Variants in TMEM244 observed in about 807,000 individuals in gnomAD.
TMEM244 encodes transmembrane protein 244.
TMEM244 carries 13 observed loss-of-function variants against 15.8 expected under a neutral mutation model. The observed-to-expected ratio is 0.82, with a 90% CI of 0.53 to 1.30. The LOEUF (loss-of-function observed/expected upper bound fraction) is 1.30, where lower values mean the gene tolerates loss of function less well. TMEM244 is among the 50% of genes most tolerant of loss of function. The pLI is 0.00. For synonymous variants in TMEM244, 45 were observed against 48.7 expected (o/e 0.92, Z 0.32); for missense variants, 161 against 144.9 (o/e 1.11, Z -0.57).
rs543523559 is a variant in TMEM244, at chr6:129,852,840, A to C, written c.34-6988T>G. Reference sequence around the variant, plus strand: ...TCCAGCTCTTCTCCATACGTGCCCCAAAACTTGCAATCCAGTCTCAGCCTC... The same window carrying C: ...TCCAGCTCTTCTCCATACGTGCCCCCAAACTTGCAATCCAGTCTCAGCCTC... On this transcript the variant is annotated intron_variant, in intron 1 of 4. Coordinates refer to ENST00000368143, the MANE Select transcript of TMEM244 (RefSeq NM_001010876.2). Among the ~76,000 whole-genome samples the C allele has an allele frequency of 2.0e-5, 3 of 152,184 alleles. No individual in the cohort carries two copies. In the South Asian group the frequency reaches 6.2e-4, roughly 32 times the overall value.
intron 1 of TMEM244, among the ~76,000 whole-genome samples, chr6:129,860,826 GA>G (rs1776798275): frequency 6.7e-6 from 1 of 148,720 alleles, no homozygotes; most frequent in African/African-American, 2.5e-5. Context: ...AAAAAAAAAA[GA>G]AAAAAAGATT....
At chr6:129,860,603 C>T (rs2114650376) in intron 1 of TMEM244, among the ~76,000 whole-genome samples, 1 of 152,258 alleles carries the variant, frequency 6.6e-6, no homozygotes, top group African/African-American at 2.4e-5. Context: ...TGAATTTACA[C>T]AGCTGCTTTG....
intron 4 of TMEM244, among the ~76,000 whole-genome samples, chr6:129,832,545 C>T (rs572761891): frequency 4.6e-5 from 7 of 151,874 alleles, no homozygotes; most frequent in Admixed American, 3.9e-4. Flanking sequence ...AAAAATTAGG[C>T]GGTATAGTAA....
intron 1 of TMEM244, 134 bp from the exon 2 acceptor site, chr6:129,845,986 A>G (rs12189832): frequency 0.56 from 335,767 of 595,316 alleles, 99,373 homozygotes; most frequent in Non-Finnish European, 0.64. Context: ...GACCCATGGA[A>G]TGGGAATGAC....
At chr6:129,843,719 T>C in intron 2 of TMEM244, 116 bp from the exon 3 acceptor site, 2 of 611,368 alleles carry the variant, frequency 3.3e-6, no homozygotes, top group Admixed American at 2.8e-5. Flanking sequence ...TTCACCCACA[T>C]TGTGGCACAT....
intron 4 of TMEM244, 34 bp downstream of exon 4, chr6:129,833,426 A>T (rs773808501): frequency 6.2e-7 from 1 of 1,600,166 alleles, no homozygotes; most frequent in Non-Finnish European, 8.5e-7. Context: ...GTTTTAATAC[A>T]TTTTCCTTGT....
At position 129,846,437 on chromosome 6, in the gene TMEM244, T is replaced by G. The variant is rs114520920; in HGVS notation, c.34-585A>C. Reference sequence around the variant, plus strand: ...AATATATTTGTTGACAAATTTTATATAGAGATACACTTACTTTTCCTGACA... The same window carrying G: ...AATATATTTGTTGACAAATTTTATAGAGAGATACACTTACTTTTCCTGACA... On this transcript the variant is annotated intron_variant, in intron 1 of 4. Coordinates refer to ENST00000368143, the MANE Select transcript of TMEM244 (RefSeq NM_001010876.2). Among the ~76,000 whole-genome samples the G allele has an allele frequency of 2.4e-3, 373 of 152,332 alleles. 2 individuals are homozygous for G. Among genetic ancestry groups the G allele is most frequent in the African/African-American group, 8.7e-3 (363 of 41,592 alleles).
At chr6:129,860,396 C>T (rs1776786386) in intron 1 of TMEM244, among the ~76,000 whole-genome samples, 1 of 152,006 alleles carries the variant, frequency 6.6e-6, no homozygotes, top group African/African-American at 2.4e-5. Flanking sequence ...TGTTGTCATG[C>T]TCAACATTTC....
At chr6:129,853,380 A>G (rs1776660259) in intron 1 of TMEM244, among the ~76,000 whole-genome samples, 1 of 152,046 alleles carries the variant, frequency 6.6e-6, no homozygotes, top group Non-Finnish European at 1.5e-5. Context: ...TCTCTACTGT[A>G]TGCTCCCTAA....
At chr6:129,844,392 G>A (rs1373871870) in intron 2 of TMEM244, among the ~76,000 whole-genome samples, 2 of 152,140 alleles carry the variant, frequency 1.3e-5, no homozygotes, top group Non-Finnish European at 2.9e-5. Context: ...ACAAGATACA[G>A]GTTCTAATCC....
chr6:129,833,541 A>AG lies in TMEM244; in HGVS notation c.237_238insC (p.Phe80LeufsTer61), dbSNP rs1342463594. 4 of 1,612,740 alleles carry AG rather than the reference A, an allele frequency of 2.5e-6. No individual in the cohort carries two copies. In the African/African-American group the frequency reaches 5.3e-5, roughly 22 times the overall value. ...CATTCTTCCACAACTGGAACAAAAAACAATCCACAAACAAAGTAGGTGACC... is the reference window on the plus strand; with the variant it reads ...CATTCTTCCACAACTGGAACAAAAAAGCAATCCACAAACAAAGTAGGTGACC... On this transcript the variant is annotated frameshift_variant, in exon 4 of 5. Transcript: ENST00000368143. LOFTEE classifies it high-confidence loss of function.
chr6:129,841,554 G>T (rs1776491599), intron 3 of TMEM244, among the ~76,000 whole-genome samples: 1 of 151,916 alleles, frequency 6.6e-6, no homozygotes, highest in Non-Finnish European at 1.5e-5. Flanking sequence ...ATGTACCCTA[G>T]AACTTAAAAT....
At chr6:129,847,595 A>G (rs116329908) in intron 1 of TMEM244, among the ~76,000 whole-genome samples, 279 of 152,152 alleles carry the variant, frequency 1.8e-3, no homozygotes, top group African/African-American at 5.8e-3. Flanking sequence ...CAGGACTCCA[A>G]GGTTCTGGGA....
chr6:129,849,910 G>T (rs1200914413), intron 1 of TMEM244, among the ~76,000 whole-genome samples: 1 of 152,134 alleles, frequency 6.6e-6, no homozygotes, highest in African/African-American at 2.4e-5. Context: ...TGTGTGAAGG[G>T]GGCATGAACA....
chr6:129,853,794 C>T (rs1426194704), intron 1 of TMEM244, among the ~76,000 whole-genome samples: 1 of 152,178 alleles, frequency 6.6e-6, no homozygotes, highest in East Asian at 1.9e-4. Context: ...AGGCTGGAAC[C>T]TGGATAGAAT....
At chr6:129,860,135 G>A (rs1046040856) in intron 1 of TMEM244, among the ~76,000 whole-genome samples, 1 of 147,252 alleles carries the variant, frequency 6.8e-6, no homozygotes, top group African/African-American at 2.5e-5. Context: ...GTGTGTGTGT[G>A]TGTGTGTGTG....
At chr6:129,832,551 A>T (rs1330762613) in intron 4 of TMEM244, among the ~76,000 whole-genome samples, 1 of 152,236 alleles carries the variant, frequency 6.6e-6, no homozygotes, top group East Asian at 1.9e-4. Flanking sequence ...TAGGCGGTAT[A>T]GTAAGGGAGA....
intron 1 of TMEM244, among the ~76,000 whole-genome samples, chr6:129,847,379 A>G (rs566338582): frequency 6.6e-6 from 1 of 152,286 alleles, no homozygotes; most frequent in South Asian, 2.1e-4. Context: ...TACTTGAATG[A>G]CCAATTCACC....
rs760715401 is a variant in TMEM244, at chr6:129,843,554, A to G, written c.169T>C (p.Ser57Pro). 1 of 1,612,336 alleles carries G rather than the reference A, an allele frequency of 6.2e-7. No homozygotes were observed. The highest frequency in any genetic ancestry group is 1.1e-5 in the South Asian group (1 of 90,946). Residue 57 changes from serine (S) to proline (P), a missense_variant, in exon 3 of 5, where the codon TCA (serine) becomes CCA (proline). Ser to Pro is a moderately conservative substitution (Grantham distance 74). Transcript: ENST00000368143. ...CCTTTATAGTTTATGTTGAGCCATG[A>G]GGGATTTGTTTTGAAATCAAATGGA... ...LAPFDFKTNP[S>P]WLNINYKVLL...
Sources: allele counts gnomAD v4.1 joint callset (sites outside exome capture counted in the v4.1 genomes callset), GRCh38; gene constraint gnomAD v4.1.1; transcripts MANE v1.5; gene names NCBI Gene and HGNC (gene_info 2026-07-23, HGNC 2026-07-21).